Variants in ZFP30 observed in about 807,000 individuals in gnomAD.
The protein encoded by ZFP30 is ZFP30 zinc finger protein.
Under a neutral mutation model 12.3 loss-of-function variants are expected in ZFP30, and 16 were observed. The observed-to-expected ratio is 1.30, with a 90% confidence interval of 0.88 to 1.98. The LOEUF (loss-of-function observed/expected upper bound fraction) is 1.98. Ranked by LOEUF, ZFP30 falls within the 30% of genes most tolerant of loss-of-function variation. The pLI, the probability that ZFP30 is intolerant of heterozygous loss-of-function variation, is 0.00. For synonymous variants in ZFP30, 172 were observed against 201.0 expected (o/e 0.86, Z 1.22); for missense variants, 560 against 611.2 (o/e 0.92, Z 0.88).
At chr19:37,644,934 C>T (rs184842583) in intron 3 of ZFP30, among the ~76,000 whole-genome samples, 198 bp from the exon 4 acceptor site, 183 of 151,934 alleles carry the variant, frequency 1.2e-3, no homozygotes, top group Non-Finnish European at 4.6e-4. Context: ...AAGGCCGGCG[C>T]GGTGGCTCAC....
At chr19:37,640,163 C>T (rs985993906) in intron 5 of ZFP30, among the ~76,000 whole-genome samples, 41 of 152,178 alleles carry the variant, frequency 2.7e-4, no homozygotes, top group African/African-American at 9.6e-4. Context: ...AAGAATTCTG[C>T]CCTCAGATTG....
At chr19:37,652,110 T>C (rs539044277) in intron 2 of ZFP30, among the ~76,000 whole-genome samples, 1 of 152,330 alleles carries the variant, frequency 6.6e-6, no homozygotes, top group East Asian at 1.9e-4. Context: ...TGTAAATATT[T>C]GGAAGGTCTG....
rs1302428913 is a variant in ZFP30, at chr19:37,635,575, T to G, written c.966A>C (p.Gly322=). The G allele has an allele frequency of 6.2e-7, 1 of 1,614,058 alleles. No individual in the cohort carries two copies. Among genetic ancestry groups the G allele is most frequent in the South Asian group, 1.1e-5 (1 of 91,062 alleles). ...GLRLHHKLHT[G]EKPYECKECG... is the part of the protein sequence containing the mutation. Reference sequence around the variant, plus strand: ...ACTCCTTACATTCATAGGGTTTTTCTCCAGTATGAAGTTTGTGATGTAGTC... The same window carrying G: ...ACTCCTTACATTCATAGGGTTTTTCGCCAGTATGAAGTTTGTGATGTAGTC... Residue 322 remains glycine, a synonymous_variant, in exon 6 of 6, where the codon GGA becomes GGC. Coordinates refer to ENST00000684514, the MANE Select transcript of ZFP30 (RefSeq NM_001320669.3).
At chr19:37,642,826 C>T (rs761243750) in intron 5 of ZFP30, among the ~76,000 whole-genome samples, 4 of 151,752 alleles carry the variant, frequency 2.6e-5, no homozygotes, top group African/African-American at 9.7e-5. Flanking sequence ...GAGGCCGAGG[C>T]GGGTGGATCA....
chr19:37,648,464 G>A (rs1040599405), intron 2 of ZFP30, among the ~76,000 whole-genome samples: 1 of 152,210 alleles, frequency 6.6e-6, no homozygotes, highest in East Asian at 1.9e-4. Flanking sequence ...TTAGTGTGAC[G>A]TGGGATTTAG....
intron 1 of ZFP30, 186 bp from the exon 2 acceptor site, chr19:37,655,065 C>G (rs2044726146): frequency 6.6e-6 from 1 of 152,336 alleles, no homozygotes. Context: ...TAGGTCCCAG[C>G]GTTTTGCAGG....
At chr19:37,640,995 G>A (rs1334381628) in intron 5 of ZFP30, among the ~76,000 whole-genome samples, 1 of 152,064 alleles carries the variant, frequency 6.6e-6, no homozygotes, top group Admixed American at 6.6e-5. Context: ...ATCTAATACT[G>A]CATAATCCAT....
chr19:37,649,732 G>A (rs1208767761), intron 2 of ZFP30, among the ~76,000 whole-genome samples: 3 of 151,994 alleles, frequency 2.0e-5, no homozygotes, highest in Admixed American at 1.3e-4. Flanking sequence ...GTCAAGGTGG[G>A]AGGATCGCCT....
In ZFP30 at chr19:37,632,124, T is replaced by C. The variant is rs1209635423; in HGVS notation, c.*2857A>G. ...TTTTTTTTTAAAGTTAGATTCTAAA[T>C]GTATTCTTTTAGAAAGCGTATCTTC... On this transcript the variant is annotated 3_prime_UTR_variant, in exon 6 of 6. Coordinates refer to ENST00000684514, the MANE Select transcript of ZFP30 (RefSeq NM_001320669.3). 4 of 152,034 alleles carry C rather than the reference T, an allele frequency of 2.6e-5. No homozygotes were observed. The highest frequency in any genetic ancestry group is 5.9e-5 in the Non-Finnish European group (4 of 67,988). The allele number at this position is 152,034 out of a possible 1,614,324, so 9.4% of individuals were successfully genotyped here. A position where few individuals can be genotyped will look rare whatever the true frequency, so the allele number is the denominator to read the frequency against.
intron 3 of ZFP30, among the ~76,000 whole-genome samples, chr19:37,645,231 A>C (rs1453577629): frequency 6.6e-6 from 1 of 152,124 alleles, no homozygotes; most frequent in East Asian, 1.9e-4. Flanking sequence ...AAAAGAAAAA[A>C]AAAGTGGAAG....
chr19:37,633,120 G>A lies in ZFP30; in HGVS notation c.*1861C>T, dbSNP rs895832086. On this transcript the variant is annotated 3_prime_UTR_variant, in exon 6 of 6. Coordinates refer to ENST00000684514, the MANE Select transcript of ZFP30 (RefSeq NM_001320669.3). The stretch of plus-strand genomic sequence containing the variant: ...CGGGAGGCAGAGCTTGCAGTGAGCC[G>A]AGACTGTGCCACTGCACGCCAGCCT... The A allele has an allele frequency of 3.4e-5, 5 of 147,508 alleles. No individual in the cohort carries two copies. The highest frequency in any genetic ancestry group is 1.4e-4 in the Admixed American group (2 of 14,494). 9.1% of individuals were successfully genotyped at this position (147,508 alleles called of 1,614,324 possible).
intron 3 of ZFP30, among the ~76,000 whole-genome samples, chr19:37,646,530 A>G (rs1008016852): frequency 2.6e-5 from 4 of 152,064 alleles, no homozygotes. Context: ...ACAAGGTAAA[A>G]CATATTGATG....
chr19:37,636,447 A>C, intron 5 of ZFP30, 142 bp from the exon 6 acceptor site: 1 of 872,928 alleles, frequency 1.1e-6, no homozygotes, highest in Non-Finnish European at 1.6e-6. Flanking sequence ...AAAATCTCTA[A>C]AATAGGTAAT....
At chr19:37,638,297 C>T (rs56394613) in intron 5 of ZFP30, among the ~76,000 whole-genome samples, 4,716 of 152,126 alleles carry the variant, frequency 0.031, 256 homozygotes, top group African/African-American at 0.11. Context: ...TTACAGGTTC[C>T]CCGTATCTTC....
intron 4 of ZFP30, among the ~76,000 whole-genome samples, chr19:37,643,673 A>G (rs1221114330): frequency 6.6e-6 from 1 of 152,210 alleles, no homozygotes; most frequent in Admixed American, 6.5e-5. Context: ...AGTAATGCGT[A>G]TATATAGCAT....
Position 37,643,245 on chromosome 19 carries a change from T to C in ZFP30, c.235+20A>G. The C allele has an allele frequency of 1.3e-6, 2 of 1,600,000 alleles. No individual in the cohort carries two copies. Among genetic ancestry groups the C allele is most frequent in the Non-Finnish European group, 1.7e-6 (2 of 1,170,714 alleles). ...TCTGGCCATGCCATAATGGCTGACC[T>C]CTGCCTGATCAGCACTTACCTAGAG... On this transcript the variant is annotated intron_variant, in intron 5 of 5. Transcript: ENST00000684514.
rs1353446945 is a variant in ZFP30 at position 37,646,808 on chromosome 19, AG to A, written c.9+1005del. 3.9e-5 allele frequency among the ~76,000 whole-genome samples: 6 copies of A among 152,202 alleles called. No homozygotes were observed. The East Asian group carries it at 1.2e-3, about 29-fold the overall frequency. ...AGATGGGATCTCATTAAGTTGCTCA[AG>A]GTTGTCTCGAACTCCTCTGCTCAAG... On this transcript the variant is annotated intron_variant, in intron 3 of 5. Transcript: ENST00000684514.
intron 2 of ZFP30, 93 bp from the exon 3 acceptor site, chr19:37,647,992 A>G (rs974598984): frequency 1.5e-6 from 1 of 652,174 alleles, no homozygotes; most frequent in Non-Finnish European, 2.6e-6. Context: ...CCTATATGCA[A>G]CTCCCACCCC....
At chr19:37,636,513 G>A (rs906791448) in intron 5 of ZFP30, among the ~76,000 whole-genome samples, 1 of 152,000 alleles carries the variant, frequency 6.6e-6, no homozygotes, top group Non-Finnish European at 1.5e-5. Context: ...GGTTATTTGG[G>A]TGCAGATCAA....
Sources: gnomAD v4.1 joint callset for allele counts (sites outside exome capture counted in the v4.1 genomes callset) on GRCh38, gnomAD v4.1.1 for gene constraint, MANE v1.5 for transcripts, NCBI Gene and HGNC (gene_info 2026-07-23, HGNC 2026-07-21) for gene names.